ZNF229: variants seen among roughly 807,000 people sequenced by gnomAD.
ZNF229 encodes the protein zinc finger protein 229.
ZNF229 carries 10 observed loss-of-function variants against 11.8 expected under a neutral mutation model. The ratio of observed to expected loss-of-function variants is 0.85; its 90% confidence interval spans 0.52 to 1.44. The LOEUF (loss-of-function observed/expected upper bound fraction) is 1.44. ZNF229 is among the 40% of genes most tolerant of loss of function. The pLI is 0.00. For missense variants in ZNF229, 1,045 were observed against 1,015.1 expected (o/e 1.03, Z -0.40); for synonymous variants, 368 against 374.8 (o/e 0.98, Z 0.21).
At chr19:44,441,919 GCTGT>G (rs1490025495) in intron 4 of ZNF229, among the ~76,000 whole-genome samples, 1 of 139,516 alleles carries the variant, frequency 7.2e-6, no homozygotes, top group African/African-American at 2.5e-5. Context: ...CAAATCTTTG[GCTGT>G]CTGCTAGAAT....
chr19:44,436,638 G>C (rs1971819403), intron 4 of ZNF229, among the ~76,000 whole-genome samples: 1 of 151,762 alleles, frequency 6.6e-6, no homozygotes, highest in Non-Finnish European at 1.5e-5. Context: ...AATAAGCTAG[G>C]TGTGATGGCG....
intron 4 of ZNF229, among the ~76,000 whole-genome samples, chr19:44,437,628 A>G (rs761294874): frequency 6.6e-6 from 1 of 152,230 alleles, no homozygotes; most frequent in Non-Finnish European, 1.5e-5. Context: ...TATATACCCA[A>G]AGGAATATAA....
At position 44,428,429 on chromosome 19, in the gene ZNF229, A is replaced by G. The variant is rs769725916; in HGVS notation, c.2352T>C (p.His784=). ...GKGFGRNSCL[H]VHQRVHTGEK... is the part of the protein sequence containing the mutation. ...CTCCAGTGTGGACTCTCTGATGAAC[A>G]TGAAGACAGGAGTTGCGGCCAAAGC... is the stretch of plus-strand genomic sequence containing the variant. Residue 784 remains histidine (H), a synonymous_variant, in exon 6 of 6, where the codon CAT becomes CAC. Transcript: ENST00000614049. The G allele has an allele frequency of 6.8e-6, 11 of 1,613,514 alleles. No individual in the cohort carries two copies. In the South Asian group the frequency reaches 9.9e-5, roughly 15 times the overall value.
chr19:44,426,536 G>T lies in ZNF229; in HGVS notation c.*1767C>A, dbSNP rs1050427877. 2 of 152,020 alleles carry T rather than the reference G, an allele frequency of 1.3e-5. No homozygotes were observed. Among genetic ancestry groups the T allele is most frequent in the African/African-American group, 4.8e-5 (2 of 41,326 alleles). 9.4% of individuals were successfully genotyped at this position (152,020 alleles called of 1,614,324 possible). A position where few individuals can be genotyped will look rare whatever the true frequency, so the allele number is the denominator to read the frequency against. On this transcript the variant is annotated 3_prime_UTR_variant, in exon 6 of 6. Coordinates refer to ENST00000614049, the MANE Select transcript of ZNF229 (RefSeq NM_014518.4). ...TAATTGTTGTTCTAAAACTCTCCTGGTTCACTAAATACTTCATGAGCAACC... is the reference window on the plus strand; with the variant it reads ...TAATTGTTGTTCTAAAACTCTCCTGTTTCACTAAATACTTCATGAGCAACC...
chr19:44,431,926 C>T (rs763898936), intron 5 of ZNF229: 32 of 640,506 alleles, frequency 5.0e-5, no homozygotes, highest in Non-Finnish European at 6.0e-5. Flanking sequence ...AAATTAGTGT[C>T]CTTAGAAAAC....
At position 44,442,798 on chromosome 19, in the gene ZNF229, C is replaced by CCCCAAAAAAAG; in HGVS notation, c.34+15_34+16insCTTTTTTTGGG. 2.5e-6 allele frequency: 4 copies of CCCCAAAAAAAG among 1,587,030 alleles called. No homozygotes were observed. Among genetic ancestry groups the CCCCAAAAAAAG allele is most frequent in the Non-Finnish European group, 2.6e-6 (3 of 1,155,632 alleles). ...TTTGGATTCTCCCCCCACCCACCCC[C>CCCCAAAAAAAG]TCTATTAGCTGTCACCTCTTTTCTC... On this transcript the variant is annotated intron_variant, in intron 3 of 5. Transcript: ENST00000614049.
At position 44,429,235 on chromosome 19, in the gene ZNF229, G is replaced by C; in HGVS notation, c.1546C>G (p.Leu516Val). The C allele has an allele frequency of 6.2e-7, 1 of 1,614,092 alleles. No individual in the cohort carries two copies. Among genetic ancestry groups the C allele is most frequent in the African/African-American group, 1.3e-5 (1 of 74,974 alleles). Residue 516 changes from leucine to valine, a missense_variant, in exon 6 of 6, where the codon CTG becomes GTG. Transcript: ENST00000614049. ...AHQRVHMGQH[L>V]YKCNVCGKSF... Reference sequence around the variant, plus strand: ...TTACCACACACGTTACATTTGTACAGATGCTGCCCCATGTGAACTCTCTGG... The same window carrying C: ...TTACCACACACGTTACATTTGTACACATGCTGCCCCATGTGAACTCTCTGG...
At position 44,427,522 on chromosome 19, in the gene ZNF229, G is replaced by C. The variant is rs777687190; in HGVS notation, c.*781C>G. Reference sequence around the variant, plus strand: ...GTAAAAAAAAAGTCATTTTTTTAAAGTGAAAAAAAATCAGCATTTCAAAGA... The same window carrying C: ...GTAAAAAAAAAGTCATTTTTTTAAACTGAAAAAAAATCAGCATTTCAAAGA... On this transcript the variant is annotated 3_prime_UTR_variant, in exon 6 of 6. Coordinates refer to ENST00000614049, the MANE Select transcript of ZNF229 (RefSeq NM_014518.4). 77 of 150,582 alleles carry C rather than the reference G, an allele frequency of 5.1e-4. No homozygotes were observed. Among genetic ancestry groups the C allele is most frequent in the Non-Finnish European group, 1.5e-4 (10 of 67,726 alleles). The allele number at this position is 150,582 out of a possible 1,614,324, so 9.3% of individuals were successfully genotyped here. A position where few individuals can be genotyped will look rare whatever the true frequency, so the allele number is the denominator to read the frequency against.
At chr19:44,435,385 AATC>A in intron 4 of ZNF229, among the ~76,000 whole-genome samples, 1 of 152,294 alleles carries the variant, frequency 6.6e-6, no homozygotes, top group East Asian at 1.9e-4. Flanking sequence ...AATAAAACAC[AATC>A]ATCAAGGGGA....
At chr19:44,445,469 C>T (rs915363762) in intron 2 of ZNF229, among the ~76,000 whole-genome samples, 1 of 152,216 alleles carries the variant, frequency 6.6e-6, no homozygotes, top group African/African-American at 2.4e-5. Context: ...TCTCATTCTG[C>T]TCAGCTCTGG....
At position 44,442,798 on chromosome 19, in the gene ZNF229, C is replaced by CACAAAAAAAAG; in HGVS notation, c.34+15_34+16insCTTTTTTTTGT. The CACAAAAAAAAG allele has an allele frequency of 6.3e-7, 1 of 1,587,030 alleles. No individual in the cohort carries two copies. The highest frequency in any genetic ancestry group is 8.7e-7 in the Non-Finnish European group (1 of 1,155,634). On this transcript the variant is annotated intron_variant, in intron 3 of 5. Coordinates refer to ENST00000614049, the MANE Select transcript of ZNF229 (RefSeq NM_014518.4). ...TTTGGATTCTCCCCCCACCCACCCC[C>CACAAAAAAAAG]TCTATTAGCTGTCACCTCTTTTCTC...
At chr19:44,440,181 A>G (rs1971883692) in intron 4 of ZNF229, among the ~76,000 whole-genome samples, 1 of 152,150 alleles carries the variant, frequency 6.6e-6, no homozygotes. Flanking sequence ...GGATTGGAAG[A>G]AAAAAACAAC....
chr19:44,430,579 T>A, intron 5 of ZNF229, 37 bp from the exon 6 acceptor site: 1 of 1,562,716 alleles, frequency 6.4e-7, no homozygotes, highest in Non-Finnish European at 8.7e-7. Context: ...TGAGAACTAG[T>A]AAAAGACTGG....
intron 4 of ZNF229, 29 bp downstream of exon 4, chr19:44,442,534 A>G: frequency 6.2e-7 from 1 of 1,610,808 alleles, no homozygotes; most frequent in Non-Finnish European, 8.5e-7. Flanking sequence ...CTAAGGTGGT[A>G]TTTCGGGAGA....
chr19:44,442,513 C>T, intron 4 of ZNF229, 50 bp downstream of exon 4: 1 of 1,594,280 alleles, frequency 6.3e-7, no homozygotes, highest in Admixed American at 1.7e-5. Flanking sequence ...CGTATGTTTT[C>T]TCTCTGATGC....
At chr19:44,441,658 ATG>A (rs1195830912) in intron 4 of ZNF229, among the ~76,000 whole-genome samples, 2 of 152,216 alleles carry the variant, frequency 1.3e-5, no homozygotes, top group Admixed American at 6.5e-5. Flanking sequence ...ATATCACTAT[ATG>A]TGTGTGTACA....
intron 5 of ZNF229, among the ~76,000 whole-genome samples, chr19:44,430,832 A>G (rs1195538874): frequency 6.6e-6 from 1 of 152,200 alleles, no homozygotes; most frequent in African/African-American, 2.4e-5. Context: ...TCGCTTAATA[A>G]TGCTGTTATA....
Position 44,442,800 on chromosome 19 carries a change from C to CCAAAAA in ZNF229, c.34+13_34+14insTTTTTG. 1 of 1,594,632 alleles carries CCAAAAA rather than the reference C, an allele frequency of 6.3e-7. No individual in the cohort carries two copies. The highest frequency in any genetic ancestry group is 1.1e-5 in the South Asian group (1 of 90,590). ...TGGATTCTCCCCCCACCCACCCCCT[C>CCAAAAA]TATTAGCTGTCACCTCTTTTCTCAT... On this transcript the variant is annotated intron_variant, in intron 3 of 5. Transcript: ENST00000614049.
intron 2 of ZNF229, among the ~76,000 whole-genome samples, chr19:44,444,442 T>A (rs1971970893): frequency 6.6e-6 from 1 of 152,166 alleles, no homozygotes; most frequent in South Asian, 2.1e-4. Flanking sequence ...TGCACTGCCC[T>A]GAACTGGGGA....
Sources: allele counts gnomAD v4.1 joint callset (sites outside exome capture counted in the v4.1 genomes callset), GRCh38; gene constraint gnomAD v4.1.1; transcripts MANE v1.5; gene names NCBI Gene and HGNC (gene_info 2026-07-23, HGNC 2026-07-21).